The following RAB32 variants were observed in gnomAD, a reference collection of about 807,000 sequenced individuals.
RAB32 encodes the protein RAB32, member RAS oncogene family, also known as ras-related protein Rab-32.
In RAB32, 17 loss-of-function variants were observed where a neutral mutation model predicts 17.5. The observed-to-expected ratio is 0.97, with a 90% CI of 0.67 to 1.46. RAB32 has a LOEUF of 1.46. RAB32 is among the 40% of genes most tolerant of loss of function. RAB32 has a pLI of 0.00. For missense variants in RAB32, 288 were observed against 284.3 expected (o/e 1.01, Z -0.09); for synonymous variants, 115 against 111.1 (o/e 1.04, Z -0.22).
At chr6:146,553,781 T>C (rs1384049370) in intron 2 of RAB32, among the ~76,000 whole-genome samples, 1 of 152,216 alleles carries the variant, frequency 6.6e-6, no homozygotes, top group Non-Finnish European at 1.5e-5. Context: ...TTTTTTGCAA[T>C]GTTTTTGTAA....
intron 2 of RAB32, among the ~76,000 whole-genome samples, chr6:146,553,559 G>C (rs1240440940): frequency 6.6e-6 from 1 of 152,154 alleles, no homozygotes; most frequent in Non-Finnish European, 1.5e-5. Context: ...AACTGTTCGA[G>C]AGTAAAAGAG....
Position 146,547,547 on chromosome 6 carries a change from T to A in RAB32, c.251-1917T>A, listed in dbSNP as rs138331312. On this transcript the variant is annotated intron_variant, in intron 1 of 2. Transcript: ENST00000367495. ...ATATAATTTATGCCTAAACTTATTT[T>A]ACATTGTTTTGATTCCCATCCAAAA... is the stretch of plus-strand genomic sequence containing the variant. 5.2e-3 allele frequency among the ~76,000 whole-genome samples: 784 copies of A among 152,224 alleles called. 14 individuals are homozygous for A. The highest frequency in any genetic ancestry group is 0.049 in the East Asian group (251 of 5,168).
At position 146,544,049 on chromosome 6, in the gene RAB32, G is replaced by A; in HGVS notation, c.178G>A (p.Val60Met). The A allele has an allele frequency of 6.2e-7, 1 of 1,613,922 alleles. No individual in the cohort carries two copies. Among genetic ancestry groups the A allele is most frequent in the Non-Finnish European group, 8.5e-7 (1 of 1,179,970 alleles). ...FSQHYRATIG[V>M]DFALKVLNWD... is the part of the protein sequence containing the mutation. Reference sequence around the variant, plus strand: ...CCAGCACTACCGGGCCACCATCGGGGTGGACTTCGCCCTCAAGGTCCTCAA... The same window carrying A: ...CCAGCACTACCGGGCCACCATCGGGATGGACTTCGCCCTCAAGGTCCTCAA... Residue 60 changes from valine (V) to methionine (M), a missense_variant, in exon 1 of 3, where the codon GTG (valine) becomes ATG (methionine). Coordinates refer to ENST00000367495, the MANE Select transcript of RAB32 (RefSeq NM_006834.5).
rs765565589 is a variant in RAB32, at chr6:146,549,717, C to G, written c.504C>G (p.Ala168=). The stretch of plus-strand genomic sequence containing the variant: ...AATTCTGCAAAGAACATGGCTTTGC[C>G]GGATGGTTTGAAACCTCTGCAAAGG... ...VDQFCKEHGF[A]GWFETSAKDN... is the part of the protein sequence containing the mutation. The change falls in exon 2 of 3, where the codon GCC becomes GCG. Residue 168 remains alanine (A), a synonymous_variant. Coordinates refer to ENST00000367495, the MANE Select transcript of RAB32 (RefSeq NM_006834.5). The G allele has an allele frequency of 1.2e-6, 2 of 1,613,942 alleles. No homozygotes were observed. The highest frequency in any genetic ancestry group is 2.7e-5 in the African/African-American group (2 of 74,916).
intron 2 of RAB32, 84 bp downstream of exon 2, chr6:146,549,825 G>A (rs796200913): frequency 1.4e-6 from 2 of 1,417,730 alleles, no homozygotes; most frequent in African/African-American, 1.4e-5. Context: ...ATATATTTAT[G>A]TGAGTGGTGT....
At position 146,554,859 on chromosome 6, in the gene RAB32, A is replaced by C. The variant is rs1779939590; in HGVS notation, c.*254A>C. The C allele has an allele frequency of 6.2e-6, 2 of 320,860 alleles. No homozygotes were observed. The highest frequency in any genetic ancestry group is 4.6e-5 in the Admixed American group (1 of 21,874). The allele number at this position is 320,860 out of a possible 1,614,324, so 19.9% of individuals were successfully genotyped here. A position where few individuals can be genotyped will look rare whatever the true frequency, so the allele number is the denominator to read the frequency against. Reference sequence around the variant, plus strand: ...GGAAGATAATGTTTACATCCTTTTAAACATTTTTATATGACAATTCCTCAG... The same window carrying C: ...GGAAGATAATGTTTACATCCTTTTACACATTTTTATATGACAATTCCTCAG... On this transcript the variant is annotated 3_prime_UTR_variant, in exon 3 of 3. Coordinates refer to ENST00000367495, the MANE Select transcript of RAB32 (RefSeq NM_006834.5).
Position 146,554,587 on chromosome 6 carries a change from C to T in RAB32, c.660C>T (p.Asn220=), listed in dbSNP as rs1386050860. ...KLDQETLRAE[N]KSQCC ...ATCAAGAGACCTTGAGAGCAGAGAACAAATCCCAGTGTTGCTGATATATGG... is the reference window on the plus strand; with the variant it reads ...ATCAAGAGACCTTGAGAGCAGAGAATAAATCCCAGTGTTGCTGATATATGG... Residue 220 remains asparagine, a synonymous_variant, in exon 3 of 3, where the codon AAC becomes AAT. Coordinates refer to ENST00000367495, the MANE Select transcript of RAB32 (RefSeq NM_006834.5). The T allele has an allele frequency of 1.2e-6, 2 of 1,612,482 alleles. No homozygotes were observed. The highest frequency in any genetic ancestry group is 1.7e-6 in the Non-Finnish European group (2 of 1,179,412).
At position 146,549,598 on chromosome 6, in the gene RAB32, C is replaced by A. The variant is rs145525064; in HGVS notation, c.385C>A (p.His129Asn). The change falls in exon 2 of 3, where the codon CAT becomes AAT. Residue 129 changes from histidine (H) to asparagine (N), a missense_variant. Transcript: ENST00000367495. ...KWKSDLDSKV[H>N]LPNGSPIPAV... is the part of the protein sequence containing the mutation. ...GAAAAGTGATCTGGATAGTAAAGTT[C>A]ATCTTCCAAATGGCAGCCCTATCCC... 3.1e-6 allele frequency: 5 copies of A among 1,614,136 alleles called. No individual in the cohort carries two copies. Among genetic ancestry groups the A allele is most frequent in the Non-Finnish European group, 3.4e-6 (4 of 1,180,030 alleles).
intron 2 of RAB32, among the ~76,000 whole-genome samples, chr6:146,552,544 G>A (rs1319350158): frequency 6.6e-6 from 1 of 152,150 alleles, no homozygotes; most frequent in South Asian, 2.1e-4. Flanking sequence ...ATATGTGTGT[G>A]TGTGTAAGAG....
In RAB32 at chr6:146,554,622, C is replaced by G; in HGVS notation, c.*17C>G. ...TGTTGCTGATATATGGCTTCTGCTT[C>G]TCTTGTGTGTGCCTCAGCTCTGAAG... On this transcript the variant is annotated 3_prime_UTR_variant, in exon 3 of 3. Coordinates refer to ENST00000367495, the MANE Select transcript of RAB32 (RefSeq NM_006834.5). 6.2e-7 allele frequency: 1 copy of G among 1,604,028 alleles called. No individual in the cohort carries two copies. The highest frequency in any genetic ancestry group is 8.5e-7 in the Non-Finnish European group (1 of 1,176,134).
chr6:146,552,180 A>T (rs556834419), intron 2 of RAB32, among the ~76,000 whole-genome samples: 1 of 152,192 alleles, frequency 6.6e-6, no homozygotes, highest in South Asian at 2.1e-4. Flanking sequence ...TAATATTAAC[A>T]TATGGGAATT....
In RAB32 at chr6:146,554,670, G is replaced by A; in HGVS notation, c.*65G>A. On this transcript the variant is annotated 3_prime_UTR_variant, in exon 3 of 3. Transcript: ENST00000367495. ...AAGAAGTTCCTGAGAATGGGTTACAGATGTCATGTTAGCTGGGAGTCTTCC... is the reference window on the plus strand; with the variant it reads ...AAGAAGTTCCTGAGAATGGGTTACAAATGTCATGTTAGCTGGGAGTCTTCC... 1.3e-6 allele frequency: 2 copies of A among 1,528,246 alleles called. No homozygotes were observed. Among genetic ancestry groups the A allele is most frequent in the East Asian group, 2.3e-5 (1 of 43,682 alleles). The allele number at this position is 1,528,246 out of a possible 1,614,324, so 94.7% of individuals were successfully genotyped here.
At chr6:146,552,283 G>C (rs1779905949) in intron 2 of RAB32, among the ~76,000 whole-genome samples, 3 of 152,048 alleles carry the variant, frequency 2.0e-5, no homozygotes, top group Admixed American at 2.0e-4. Context: ...TGATATAATG[G>C]GGATAGCTGG....
chr6:146,550,779 G>A (rs1482055385), intron 2 of RAB32, among the ~76,000 whole-genome samples: 1 of 151,804 alleles, frequency 6.6e-6, no homozygotes, highest in East Asian at 1.9e-4. Context: ...GTGACAATCA[G>A]ATTTATGTAA....
chr6:146,553,604 C>A (rs1779923281), intron 2 of RAB32, among the ~76,000 whole-genome samples: 2 of 152,042 alleles, frequency 1.3e-5, no homozygotes, highest in South Asian at 2.1e-4. Flanking sequence ...AGCTTATGAT[C>A]CTGGATCTGA....
chr6:146,544,679 C>G (rs546458381), intron 1 of RAB32, among the ~76,000 whole-genome samples: 2 of 151,856 alleles, frequency 1.3e-5, no homozygotes, highest in East Asian at 1.9e-4. Flanking sequence ...ACAGACACTC[C>G]GTGAAGATTT....
At chr6:146,549,810 T>C in intron 2 of RAB32, 69 bp downstream of exon 2, 1 of 1,479,346 alleles carries the variant, frequency 6.8e-7, no homozygotes, top group Non-Finnish European at 9.2e-7. Context: ...ATGTAAAGTA[T>C]TTAGATATAT....
intron 1 of RAB32, among the ~76,000 whole-genome samples, chr6:146,547,875 T>C (rs1274969255): frequency 1.3e-5 from 2 of 152,176 alleles, no homozygotes; most frequent in South Asian, 2.1e-4. Context: ...CATGTAATTA[T>C]CTTGAAATCT....
chr6:146,547,646 C>G (rs552690367), intron 1 of RAB32, among the ~76,000 whole-genome samples: 121 of 143,584 alleles, frequency 8.4e-4, no homozygotes, highest in African/African-American at 3.1e-3. Flanking sequence ...ATCCCTTTGT[C>G]TTTTTTTTCA....
Sources: allele counts gnomAD v4.1 joint callset (sites outside exome capture counted in the v4.1 genomes callset), GRCh38; gene constraint gnomAD v4.1.1; transcripts MANE v1.5; gene names NCBI Gene and HGNC (gene_info 2026-07-23, HGNC 2026-07-21).